Variants in TJP2 observed in about 807,000 individuals in gnomAD.
TJP2 encodes the protein tight junction protein 2, also known as Friedreich ataxia region gene X104 (tight junction protein ZO-2).
In TJP2, 91 loss-of-function variants were observed where a neutral mutation model predicts 133.1. The ratio of observed to expected loss-of-function variants is 0.68; its 90% CI spans 0.58 to 0.81. The LOEUF is 0.81. Among genes scored for constraint, TJP2 ranks in the 40% least tolerant of loss-of-function variants. The probability of loss-of-function intolerance (pLI) is 0.00; values close to 1 mark genes in which losing one functional copy is unlikely to be tolerated. For missense variants in TJP2, 1,541 were observed against 1,565.6 expected (o/e 0.98, Z 0.26); for synonymous variants, 592 against 583.4 (o/e 1.01, Z -0.21).
chr9:69,219,438 T>C (rs1828641059), intron 4 of TJP2, among the ~76,000 whole-genome samples: 1 of 152,216 alleles, frequency 6.6e-6, no homozygotes. Context: ...TGGGCAACCA[T>C]GCGAAGGAAA....
chr9:69,176,743 C>T (rs146028229), intron 1 of TJP2, among the ~76,000 whole-genome samples: 1 of 152,314 alleles, frequency 6.6e-6, no homozygotes, highest in East Asian at 1.9e-4. Context: ...AACCATTTCT[C>T]TTCAGGACAA....
chr9:69,152,161 A>G (rs1178299353), intron 2 of TJP2, among the ~76,000 whole-genome samples: 1 of 152,230 alleles, frequency 6.6e-6, no homozygotes, highest in African/African-American at 2.4e-5. Flanking sequence ...GTAAAATTAT[A>G]TAACAGTGGT....
At position 69,254,659 on chromosome 9, in the gene TJP2, T is replaced by A; in HGVS notation, c.*285T>A. 1 of 596,230 alleles carries A rather than the reference T, an allele frequency of 1.7e-6. No individual in the cohort carries two copies. Among genetic ancestry groups the A allele is most frequent in the Non-Finnish European group, 3.0e-6 (1 of 334,004 alleles). 36.9% of individuals were successfully genotyped at this position (596,230 alleles called of 1,614,324 possible). On this transcript the variant is annotated 3_prime_UTR_variant, in exon 23 of 23. Transcript: ENST00000377245. Reference sequence around the variant, plus strand: ...TTGCTTCAGTGGACCGAAATCTGTATTCTGTTTGCGTACTTGTAATATGTA... The same window carrying A: ...TTGCTTCAGTGGACCGAAATCTGTAATCTGTTTGCGTACTTGTAATATGTA...
chr9:69,231,008 A>ATGTG (rs374705533), intron 11 of TJP2, among the ~76,000 whole-genome samples: 1 of 151,032 alleles, frequency 6.6e-6, no homozygotes, highest in Non-Finnish European at 1.5e-5. Flanking sequence ...ACATTTGTGT[A>ATGTG]TGTGTGTGTG....
intron 1 of TJP2, among the ~76,000 whole-genome samples, chr9:69,188,159 C>T (rs965986147): frequency 2.6e-5 from 4 of 152,154 alleles, no homozygotes; most frequent in Admixed American, 1.3e-4. Flanking sequence ...CTAACCATGA[C>T]GGAGCCCAGG....
intron 3 of TJP2, among the ~76,000 whole-genome samples, chr9:69,217,136 G>A (rs965711912): frequency 3.3e-5 from 5 of 151,850 alleles, no homozygotes; most frequent in African/African-American, 1.2e-4. Flanking sequence ...GATTACAGGT[G>A]CCTGCCACCA....
At chr9:69,203,425 C>T (rs932076177) in intron 1 of TJP2, among the ~76,000 whole-genome samples, 1 of 151,850 alleles carries the variant, frequency 6.6e-6, no homozygotes, top group African/African-American at 2.4e-5. Context: ...CCTCAGTCTC[C>T]TGGGTAGCTG....
chr9:69,217,174 A>G (rs532213242), intron 3 of TJP2, among the ~76,000 whole-genome samples: 1 of 152,044 alleles, frequency 6.6e-6, no homozygotes, highest in African/African-American at 2.4e-5. Context: ...TATTTTTAGT[A>G]GAGACGGGTT....
At chr9:69,225,907 C>A (rs1420304934) in intron 6 of TJP2, 115 bp from the exon 7 acceptor site, 11 of 1,127,052 alleles carry the variant, frequency 9.8e-6, no homozygotes, top group African/African-American at 1.6e-5. Flanking sequence ...ATCCTAAAGC[C>A]AATATCTGTT....
chr9:69,138,263 T>C (rs1159818529), intron 1 of TJP2, among the ~76,000 whole-genome samples: 1 of 152,164 alleles, frequency 6.6e-6, no homozygotes, highest in East Asian at 1.9e-4. Context: ...TGAGTTTGGA[T>C]GGATTTGGCT....
chr9:69,218,026 C>T lies in TJP2; in HGVS notation c.240-231C>T, dbSNP rs191289272. On this transcript the variant is annotated intron_variant, in intron 3 of 22. Transcript: ENST00000377245. The stretch of plus-strand genomic sequence containing the variant: ...GCTGTGGTTTGGGGAGATCAGGCCT[C>T]TCTCTTCCCAGATGATTTCCATTTA... Among the ~76,000 whole-genome samples the T allele has an allele frequency of 2.7e-3, 411 of 152,276 alleles. 4 individuals carry two copies. Among genetic ancestry groups the T allele is most frequent in the Non-Finnish European group, 1.5e-3 (104 of 68,014 alleles).
At chr9:69,214,971 T>C (rs959419522) in intron 2 of TJP2, among the ~76,000 whole-genome samples, 1 of 151,980 alleles carries the variant, frequency 6.6e-6, no homozygotes, top group Non-Finnish European at 1.5e-5. Context: ...TTTAAAAATA[T>C]AATTTTAGGC....
chr9:69,226,862 C>A (rs11137584), intron 7 of TJP2, among the ~76,000 whole-genome samples: 64 of 152,160 alleles, frequency 4.2e-4, no homozygotes, highest in Non-Finnish European at 1.5e-4. Flanking sequence ...TGGAGGATAG[C>A]TAAAACAAGT....
chr9:69,250,715 T>C (rs1831269623), intron 20 of TJP2, among the ~76,000 whole-genome samples: 1 of 152,142 alleles, frequency 6.6e-6, no homozygotes, highest in Admixed American at 6.5e-5. Flanking sequence ...TGTTCTGAGA[T>C]CTTCTCCAAG....
At chr9:69,121,507 A>C (rs1332644010) in exon 1 of TJP2, 3 of 281,526 alleles carry the variant, frequency 1.1e-5, no homozygotes, top group African/African-American at 2.3e-5. Flanking sequence ...TCACAATAAT[A>C]TACGGGAGCA....
At chr9:69,131,119 C>T (rs924838210) in intron 1 of TJP2, among the ~76,000 whole-genome samples, 50 of 152,166 alleles carry the variant, frequency 3.3e-4, no homozygotes, top group African/African-American at 1.2e-3. Flanking sequence ...CTCTTTCTGC[C>T]TGTCACTGAT....
chr9:69,229,571 A>C (rs144175882), intron 10 of TJP2, among the ~76,000 whole-genome samples: 2 of 152,224 alleles, frequency 1.3e-5, no homozygotes, highest in African/African-American at 4.8e-5. Context: ...TTGCTAAACT[A>C]CGGTGCCCTG....
In TJP2 at chr9:69,227,980, G is replaced by C; in HGVS notation, c.1320-1G>C. 6.2e-7 allele frequency: 1 copy of C among 1,614,184 alleles called. No individual in the cohort carries two copies. Among genetic ancestry groups the C allele is most frequent in the Non-Finnish European group, 8.5e-7 (1 of 1,180,018 alleles). On this transcript the variant is annotated splice_acceptor_variant, in intron 8 of 22. Coordinates refer to ENST00000377245, the MANE Select transcript of TJP2 (RefSeq NM_004817.4). LOFTEE classifies it high-confidence loss of function. ...ACATTTACGTATGACATGTGATTCAGTTCCAGAGAGGACACGCCGAGCAGA... is the reference window on the plus strand; with the variant it reads ...ACATTTACGTATGACATGTGATTCACTTCCAGAGAGGACACGCCGAGCAGA...
At chr9:69,132,696 G>A (rs963260087) in intron 1 of TJP2, among the ~76,000 whole-genome samples, 6 of 152,168 alleles carry the variant, frequency 3.9e-5, no homozygotes, top group Non-Finnish European at 7.3e-5. Flanking sequence ...CGGTGAGCAG[G>A]GTAAATTCTC....
Sources: gnomAD v4.1 joint callset for allele counts (sites outside exome capture counted in the v4.1 genomes callset) on GRCh38, gnomAD v4.1.1 for gene constraint, MANE v1.5 for transcripts, NCBI Gene and HGNC (gene_info 2026-07-23, HGNC 2026-07-21) for gene names.